Variants in SPICE1 observed in about 807,000 individuals in gnomAD.
The protein encoded by SPICE1 is spindle and centriole-associated protein 1.
In SPICE1, 75 loss-of-function variants were observed where a neutral mutation model predicts 102.7. The observed-to-expected ratio is 0.73, with a 90% CI of 0.61 to 0.88. The LOEUF (loss-of-function observed/expected upper bound fraction) is 0.88, where lower values mean the gene tolerates loss of function less well. Among genes scored for constraint, SPICE1 ranks in the 40% least tolerant of loss-of-function variants. SPICE1 has a pLI of 0.00. For synonymous variants in SPICE1, 308 were observed against 350.3 expected (o/e 0.88, Z 1.35); for missense variants, 979 against 1,020.1 (o/e 0.96, Z 0.55).
intron 1 of SPICE1, among the ~76,000 whole-genome samples, chr3:113,508,504 A>C (rs1559978719): frequency 1.3e-5 from 2 of 152,216 alleles, no homozygotes; most frequent in African/African-American, 4.8e-5. Flanking sequence ...GACAGCTAAT[A>C]AACACATGAA....
chr3:113,476,103 C>A (rs997190226), intron 7 of SPICE1, among the ~76,000 whole-genome samples: 9 of 152,030 alleles, frequency 5.9e-5, no homozygotes, highest in Non-Finnish European at 1.0e-4. Context: ...GATACAAAAT[C>A]AATGTACAAA....
At chr3:113,465,632 A>C (rs1288733028) in intron 11 of SPICE1, 21 bp downstream of exon 11, 1 of 1,604,242 alleles carries the variant, frequency 6.2e-7, no homozygotes, top group South Asian at 1.1e-5. Context: ...ACACATAAAA[A>C]TTGGGATCTC....
At chr3:113,481,086 T>C (rs1028525191) in intron 7 of SPICE1, among the ~76,000 whole-genome samples, 6 of 151,980 alleles carry the variant, frequency 3.9e-5, no homozygotes, top group African/African-American at 1.5e-4. Flanking sequence ...CAATTAGAGG[T>C]GAAAGACTTA....
In SPICE1 at chr3:113,453,821, T is replaced by G; in HGVS notation, c.1787A>C (p.Glu596Ala). 1 of 1,614,200 alleles carries G rather than the reference T, an allele frequency of 6.2e-7. No individual in the cohort carries two copies. Among genetic ancestry groups the G allele is most frequent in the Non-Finnish European group, 8.5e-7 (1 of 1,180,032 alleles). ...CCATCTCTGAGTGAAGAGACGATTCTCTTCACTTGAATTCTGAATGTCTGT... is the reference window on the plus strand; with the variant it reads ...CCATCTCTGAGTGAAGAGACGATTCGCTTCACTTGAATTCTGAATGTCTGT... ...IDTDIQNSSE[E>A]NRLFTQRWRV... Residue 596 changes from glutamate (E) to alanine (A), a missense_variant, in exon 14 of 18, where the codon GAG becomes GCG. Coordinates refer to ENST00000295872, the MANE Select transcript of SPICE1 (RefSeq NM_144718.4).
At chr3:113,478,215 CAGTA>C (rs1415681229) in intron 7 of SPICE1, among the ~76,000 whole-genome samples, 1 of 152,074 alleles carries the variant, frequency 6.6e-6, no homozygotes, top group African/African-American at 2.4e-5. Context: ...TCAAACATAT[CAGTA>C]AGTGTTATAA....
chr3:113,502,662 T>TAAAAAAAAAAAAAAAAAAAAAAGAAA (rs35248720), intron 3 of SPICE1, among the ~76,000 whole-genome samples: 1 of 87,286 alleles, frequency 1.1e-5, no homozygotes, highest in Non-Finnish European at 2.2e-5. Flanking sequence ...CAATAAATCT[T>TAAAAAAAAAAAAAAAAAAAAAAGAAA]AAAAAAAAAA....
chr3:113,469,809 T>C (rs1936153687), intron 7 of SPICE1, among the ~76,000 whole-genome samples: 1 of 152,150 alleles, frequency 6.6e-6, no homozygotes, highest in African/African-American at 2.4e-5. Context: ...TGCAGTTTTG[T>C]GGTATGGCTC....
chr3:113,490,830 C>A (rs138307480), intron 6 of SPICE1, among the ~76,000 whole-genome samples: 1 of 152,282 alleles, frequency 6.6e-6, no homozygotes, highest in Non-Finnish European at 1.5e-5. Context: ...CCTGTCCTAT[C>A]GGCCACCGAA....
intron 6 of SPICE1, among the ~76,000 whole-genome samples, chr3:113,489,358 A>G (rs530551915): frequency 6.6e-6 from 1 of 152,218 alleles, no homozygotes; most frequent in Admixed American, 6.5e-5. Context: ...TCTTTCTTCT[A>G]CCACCAAACT....
At chr3:113,493,973 G>C in intron 5 of SPICE1, 76 bp downstream of exon 5, 2 of 967,586 alleles carry the variant, frequency 2.1e-6, no homozygotes, top group Non-Finnish European at 3.1e-6. Flanking sequence ...CCTAAGAAAG[G>C]ACTTTAAATT....
rs778770014 is a variant in SPICE1, at chr3:113,453,719, T to C, written c.1889A>G (p.Asn630Ser). Residue 630 changes from asparagine (N) to serine (S), a missense_variant, in exon 14 of 18, where the codon AAT (asparagine) becomes AGT (serine). Asn to Ser is a conservative substitution (Grantham distance 46). Coordinates refer to ENST00000295872, the MANE Select transcript of SPICE1 (RefSeq NM_144718.4). ...PFVNLSQPLC[N>S]SHSNTQQSRS... is the part of the protein sequence containing the mutation. ...TGACTGTTGAGTGTTGGAATGGGAATTGCAGAGGGGCTGTGAGAGGTTAAC... is the reference window on the plus strand; with the variant it reads ...TGACTGTTGAGTGTTGGAATGGGAACTGCAGAGGGGCTGTGAGAGGTTAAC... 1.9e-6 allele frequency: 3 copies of C among 1,614,168 alleles called. No individual in the cohort carries two copies. The highest frequency in any genetic ancestry group is 2.2e-5 in the South Asian group (2 of 91,078).
chr3:113,471,559 G>A (rs531312492), intron 7 of SPICE1, among the ~76,000 whole-genome samples: 1 of 152,288 alleles, frequency 6.6e-6, no homozygotes, highest in African/African-American at 2.4e-5. Context: ...CCAGAACTGG[G>A]AAGAAATCAA....
At chr3:113,481,640 T>G (rs2107481735) in intron 7 of SPICE1, among the ~76,000 whole-genome samples, 1 of 151,074 alleles carries the variant, frequency 6.6e-6, no homozygotes, top group East Asian at 2.0e-4. Context: ...ATTGTTCAAC[T>G]CCCACTTATG....
At chr3:113,460,295 A>C in intron 12 of SPICE1, 1 of 952,128 alleles carries the variant, frequency 1.1e-6, no homozygotes, top group Non-Finnish European at 1.3e-6. Context: ...GCTACTTTCT[A>C]CCTGTATGAC....
intron 10 of SPICE1, among the ~76,000 whole-genome samples, chr3:113,467,342 A>G (rs1257168094): frequency 1.3e-5 from 2 of 152,116 alleles, no homozygotes; most frequent in Non-Finnish European, 2.9e-5. Context: ...CCCAGGCTGG[A>G]GTGCAGTGGC....
chr3:113,513,616 C>T (rs1050934352), intron 1 of SPICE1, among the ~76,000 whole-genome samples: 1 of 152,116 alleles, frequency 6.6e-6, no homozygotes, highest in Non-Finnish European at 1.5e-5. Context: ...ATCCTAGTTG[C>T]TCCAATTTAA....
At chr3:113,470,733 C>A (rs1217986725) in intron 7 of SPICE1, among the ~76,000 whole-genome samples, 1 of 152,228 alleles carries the variant, frequency 6.6e-6, no homozygotes, top group Non-Finnish European at 1.5e-5. Context: ...GAGCCACAGG[C>A]ACAGAGGGAA....
At chr3:113,507,232 C>G (rs1653959203) in intron 1 of SPICE1, among the ~76,000 whole-genome samples, 1 of 151,670 alleles carries the variant, frequency 6.6e-6, no homozygotes, top group Non-Finnish European at 1.5e-5. Context: ...AAATTGCCAA[C>G]ATTAGTTTGC....
At chr3:113,482,187 GT>G (rs1936526803) in intron 7 of SPICE1, among the ~76,000 whole-genome samples, 1 of 152,132 alleles carries the variant, frequency 6.6e-6, no homozygotes, top group Non-Finnish European at 1.5e-5. Flanking sequence ...TTTTTCGTAT[GT>G]TTTTTGGCTG....
Sources: allele counts gnomAD v4.1 joint callset (sites outside exome capture counted in the v4.1 genomes callset), GRCh38; gene constraint gnomAD v4.1.1; transcripts MANE v1.5; gene names NCBI Gene and HGNC (gene_info 2026-07-23, HGNC 2026-07-21).